The following PFKFB1 variants were observed in gnomAD, a reference collection of about 807,000 sequenced individuals.
PFKFB1 encodes the protein 6-phosphofructo-2-kinase/fructose-2,6-biphosphatase 1, also known as 6-phosphofructo-2-kinase/fructose-2,6-bisphosphatase 1.
PFKFB1 carries 34 observed loss-of-function variants against 46.4 expected under a neutral mutation model. That is an observed-to-expected ratio of 0.73 (90% CI 0.56 to 0.98). The LOEUF (loss-of-function observed/expected upper bound fraction) is 0.98, where lower values mean the gene tolerates loss of function less well. Among genes scored for constraint, PFKFB1 ranks in the 50% least tolerant of loss-of-function variants. The probability of loss-of-function intolerance (pLI) is 0.00; values close to 1 mark genes in which losing one functional copy is unlikely to be tolerated. For synonymous variants in PFKFB1, 119 were observed against 133.8 expected (o/e 0.89, Z 0.76); for missense variants, 393 against 376.3 (o/e 1.04, Z -0.37).
At chrX:54,946,051 T>A (rs192761575) in intron 9 of PFKFB1, among the ~76,000 whole-genome samples, 1 of 110,138 alleles carries the variant, frequency 9.1e-6, no homozygotes, top group East Asian at 2.9e-4. Context: ...TGTCTAAGCA[T>A]CTGAGAATGT....
At chrX:54,950,005 G>C (rs1263090711) in intron 8 of PFKFB1, among the ~76,000 whole-genome samples, 1 of 111,817 alleles carries the variant, frequency 8.9e-6, no homozygotes. Context: ...TTGTTCTCAA[G>C]ACATGGCCAG....
At position 54,934,989 on chromosome X, in the gene PFKFB1, A is replaced by T; in HGVS notation, c.1249T>A (p.Cys417Ser). 5.0e-6 allele frequency: 6 copies of T among 1,206,412 alleles called. No homozygotes were observed. The highest frequency in any genetic ancestry group is 6.7e-6 in the Non-Finnish European group (6 of 891,528). Residue 417 changes from cysteine (C) to serine (S), a missense_variant, in exon 12 of 14, where the codon TGC becomes AGC. Physicochemically the swap from Cys to Ser is moderately radical, Grantham distance 112. Coordinates refer to ENST00000375006, the MANE Select transcript of PFKFB1 (RefSeq NM_002625.4). ...KSSDELPYLK[C>S]PLHTVLKLTP... ...AGTTTGAGCACTGTGTGCAGAGGGC[A>T]CTTGAGATATGGAAGCTCATCTAGA...
At chrX:54,987,659 C>A (rs1197374288) in intron 1 of PFKFB1, among the ~76,000 whole-genome samples, 1 of 110,778 alleles carries the variant, frequency 9.0e-6, no homozygotes, top group East Asian at 2.8e-4. Context: ...TATAGGAATG[C>A]AAGCTTGATT....
chrX:54,980,302 A>G (rs1381064500), intron 1 of PFKFB1, among the ~76,000 whole-genome samples: 2 of 109,857 alleles, frequency 1.8e-5, no homozygotes, highest in East Asian at 2.9e-4. Flanking sequence ...TAAAAAGCAT[A>G]TTTTTTGATT....
At chrX:54,989,234 T>G (rs774129866) in intron 1 of PFKFB1, among the ~76,000 whole-genome samples, 2 of 111,723 alleles carry the variant, frequency 1.8e-5, no homozygotes, top group Non-Finnish European at 3.8e-5. Context: ...GAATTATATC[T>G]CTATCAAAAA....
chrX:54,958,162 G>A, intron 6 of PFKFB1, 144 bp downstream of exon 6: 1 of 395,525 alleles, frequency 2.5e-6, no homozygotes, highest in East Asian at 3.9e-5. Context: ...GTTAGGGAAT[G>A]CTTCCTATGA....
Position 54,945,106 on chromosome X carries a change from A to G in PFKFB1, c.1098+333T>C, listed in dbSNP as rs935154955. ...GAGCTTTAGGCAACTTGGCAACAAA[A>G]TATCAGGAAATCAGAGTATGTTGAA... is the stretch of plus-strand genomic sequence containing the variant. On this transcript the variant is annotated intron_variant, in intron 10 of 13. Coordinates refer to ENST00000375006, the MANE Select transcript of PFKFB1 (RefSeq NM_002625.4). 2.7e-5 allele frequency among the ~76,000 whole-genome samples: 3 copies of G among 112,450 alleles called. No homozygotes were observed. The Admixed American group carries it at 2.8e-4, about 11-fold the overall frequency.
chrX:54,937,358 T>C (rs1933438222), intron 11 of PFKFB1, among the ~76,000 whole-genome samples: 2 of 112,423 alleles, frequency 1.8e-5, no homozygotes, highest in African/African-American at 6.5e-5. Flanking sequence ...TTTTTACTTA[T>C]GTTATTTAAA....
intron 1 of PFKFB1, among the ~76,000 whole-genome samples, chrX:54,974,186 G>A (rs1488958003): frequency 9.0e-6 from 1 of 111,467 alleles, no homozygotes; most frequent in Non-Finnish European, 1.9e-5. Flanking sequence ...AAACAATGTT[G>A]CTGAAACTTC....
intron 1 of PFKFB1, among the ~76,000 whole-genome samples, chrX:54,991,539 CTGTGTGTGTGTG>C (rs59214352): frequency 3.4e-4 from 21 of 61,913 alleles, no homozygotes; most frequent in East Asian, 2.3e-3. Context: ...CTCTCTCTCT[CTGTGTGTGTGTG>C]TGTGTGTGTG....
At chrX:54,952,168 T>C (rs1165255095) in intron 7 of PFKFB1, 56 bp from the exon 8 acceptor site, 6 of 989,150 alleles carry the variant, frequency 6.1e-6, no homozygotes, top group Non-Finnish European at 5.7e-6. Flanking sequence ...GTGGTAGGGT[T>C]GACCCCGAGA....
In PFKFB1 at chrX:54,946,609, A is replaced by G. The variant is rs746898713; in HGVS notation, c.994-1066T>C. 9.8e-5 allele frequency among the ~76,000 whole-genome samples: 11 copies of G among 111,840 alleles called. No homozygotes were observed. In the South Asian group the frequency reaches 3.8e-3, roughly 38 times the overall value. On this transcript the variant is annotated intron_variant, in intron 9 of 13. Transcript: ENST00000375006. ...CTCCAACCCACACTGCCCATGGAAGAAAGTGCACCCTACTGGGTACACGAG... is the reference window on the plus strand; with the variant it reads ...CTCCAACCCACACTGCCCATGGAAGGAAGTGCACCCTACTGGGTACACGAG...
chrX:54,941,198 G>C (rs1297919518), intron 10 of PFKFB1, among the ~76,000 whole-genome samples: 1 of 112,134 alleles, frequency 8.9e-6, no homozygotes, highest in Non-Finnish European at 1.9e-5. Flanking sequence ...CATGTAGAAA[G>C]CTGAAACTGG....
At chrX:54,956,396 C>A (rs1934141865) in intron 6 of PFKFB1, 122 bp from the exon 7 acceptor site, 1 of 849,416 alleles carries the variant, frequency 1.2e-6, no homozygotes, top group Middle Eastern at 4.1e-4. Context: ...GAAATTGAGA[C>A]CTGGAGAACA....
upstream of PFKFB1, chrX:54,994,675 C>T (rs981869176): frequency 3.2e-5 from 24 of 752,716 alleles, no homozygotes; most frequent in Non-Finnish European, 3.6e-5. Flanking sequence ...TCTGCTTCCC[C>T]GACCCAAAAT....
chrX:54,996,402 C>G (rs1205695073), upstream of PFKFB1, among the ~76,000 whole-genome samples: 2 of 112,122 alleles, frequency 1.8e-5, no homozygotes, highest in African/African-American at 6.5e-5. Flanking sequence ...TCTAGCTGGT[C>G]ACATGAACAT....
intron 7 of PFKFB1, among the ~76,000 whole-genome samples, chrX:54,954,936 C>T (rs976292913): frequency 8.9e-6 from 1 of 112,358 alleles, no homozygotes; most frequent in Non-Finnish European, 1.9e-5. Flanking sequence ...AGGCCCAGGG[C>T]TGGGGCTTTG....
chrX:54,984,178 G>C (rs1310566779), intron 1 of PFKFB1, among the ~76,000 whole-genome samples: 1 of 111,842 alleles, frequency 8.9e-6, no homozygotes, highest in Non-Finnish European at 1.9e-5. Flanking sequence ...TTTTGACATA[G>C]TACTAGAAGT....
At chrX:54,974,685 A>C (rs1012171520) in intron 1 of PFKFB1, among the ~76,000 whole-genome samples, 19 of 112,079 alleles carry the variant, frequency 1.7e-4, no homozygotes, top group African/African-American at 6.2e-4. Flanking sequence ...AGTGGGAGAA[A>C]ATATTCGCAA....
Sources: allele counts gnomAD v4.1 joint callset (sites outside exome capture counted in the v4.1 genomes callset), GRCh38; gene constraint gnomAD v4.1.1; transcripts MANE v1.5; gene names NCBI Gene and HGNC (gene_info 2026-07-23, HGNC 2026-07-21).